The following GRB14 variants were observed in gnomAD, a reference collection of about 807,000 sequenced individuals.
GRB14 encodes growth factor receptor-bound protein 14.
Under a neutral mutation model 69.1 loss-of-function variants are expected in GRB14, and 38 were observed. The observed-to-expected ratio is 0.55, with a 90% CI of 0.42 to 0.72. The LOEUF (loss-of-function observed/expected upper bound fraction) is 0.72, where lower values mean the gene tolerates loss of function less well. GRB14 is among the 30% of genes least tolerant of loss of function. The pLI is 0.00. For missense variants in GRB14, 666 were observed against 666.1 expected (o/e 1.00, Z 0.00); for synonymous variants, 247 against 241.3 (o/e 1.02, Z -0.22).
chr2:164,571,014 T>C lies in GRB14; in HGVS notation c.325-23198A>G, dbSNP rs1289087358. On this transcript the variant is annotated intron_variant, in intron 2 of 13. Coordinates refer to ENST00000263915, the MANE Select transcript of GRB14 (RefSeq NM_004490.3). Reference sequence around the variant, plus strand: ...CAAAAAGGCAAATGTCTTTGAAAAATGAAGCTTACCGATACTTTTCATAGT... The same window carrying C: ...CAAAAAGGCAAATGTCTTTGAAAAACGAAGCTTACCGATACTTTTCATAGT... Among the ~76,000 whole-genome samples the C allele has an allele frequency of 2.0e-5, 3 of 152,154 alleles. No homozygotes were observed. In the East Asian group the frequency reaches 5.8e-4, roughly 29 times the overall value.
intron 2 of GRB14, chr2:164,568,251 C>G: frequency 3.0e-6 from 3 of 1,008,420 alleles, no homozygotes; most frequent in Non-Finnish European, 4.1e-6. Flanking sequence ...AATAAACACA[C>G]AGTAACAGGG....
intron 2 of GRB14, among the ~76,000 whole-genome samples, chr2:164,576,409 T>G (rs1322162568): frequency 6.6e-6 from 1 of 150,800 alleles, no homozygotes; most frequent in East Asian, 1.9e-4. Context: ...GAAATTGGTT[T>G]AAAAAAAAAC....
At chr2:164,568,678 C>A (rs2105328651) in intron 2 of GRB14, among the ~76,000 whole-genome samples, 1 of 152,264 alleles carries the variant, frequency 6.6e-6, no homozygotes, top group Middle Eastern at 3.4e-3. Flanking sequence ...GTTCGCTCAA[C>A]TTTTTTTCCA....
chr2:164,617,845 C>A (rs1286276573), intron 2 of GRB14, among the ~76,000 whole-genome samples: 1 of 151,760 alleles, frequency 6.6e-6, no homozygotes, highest in Admixed American at 6.6e-5. Flanking sequence ...AGAAACATAG[C>A]AGGCCCTTAG....
intron 3 of GRB14, among the ~76,000 whole-genome samples, chr2:164,533,004 TG>T (rs1348293148): frequency 6.6e-6 from 1 of 151,876 alleles, no homozygotes; most frequent in Non-Finnish European, 1.5e-5. Flanking sequence ...TGCCCCCTCT[TG>T]TAGGTCCCAA....
At chr2:164,596,115 T>A (rs1689777552) in intron 2 of GRB14, among the ~76,000 whole-genome samples, 1 of 151,906 alleles carries the variant, frequency 6.6e-6, no homozygotes, top group South Asian at 2.1e-4. Flanking sequence ...AGAGGGAGAC[T>A]CCGTCAAAAA....
intron 2 of GRB14, among the ~76,000 whole-genome samples, chr2:164,581,982 T>A (rs1689418089): frequency 1.3e-5 from 2 of 152,224 alleles, no homozygotes; most frequent in Admixed American, 1.3e-4. Context: ...TTGACTGGCC[T>A]CTCTCTGTTG....
At chr2:164,516,386 G>C (rs1483398550) in intron 6 of GRB14, among the ~76,000 whole-genome samples, 1 of 151,962 alleles carries the variant, frequency 6.6e-6, no homozygotes, top group Admixed American at 6.6e-5. Context: ...TACTTGAGAG[G>C]CTAAGGCAGG....
intron 2 of GRB14, among the ~76,000 whole-genome samples, chr2:164,586,574 T>C (rs995208752): frequency 2.0e-5 from 3 of 152,190 alleles, no homozygotes; most frequent in Non-Finnish European, 4.4e-5. Flanking sequence ...CTCGTTTCTA[T>C]GTGCTGATCT....
intron 8 of GRB14, among the ~76,000 whole-genome samples, chr2:164,503,916 C>T (rs1350246918): frequency 6.6e-6 from 1 of 152,084 alleles, no homozygotes; most frequent in African/African-American, 2.4e-5. Flanking sequence ...AGGCATTTAA[C>T]TCTGGACAAG....
At chr2:164,533,772 C>A (rs1688012754) in intron 3 of GRB14, among the ~76,000 whole-genome samples, 1 of 152,140 alleles carries the variant, frequency 6.6e-6, no homozygotes, top group Admixed American at 6.5e-5. Flanking sequence ...GTGGCTCATG[C>A]CCATAATCCC....
At chr2:164,517,024 ATTAGCCTGTTTTCATGCTGCTGAT>A (rs1442872766) in intron 6 of GRB14, among the ~76,000 whole-genome samples, 2 of 152,168 alleles carry the variant, frequency 1.3e-5, no homozygotes, top group Non-Finnish European at 2.9e-5. Context: ...CTCCATCTGT[ATTAGCCTGTTTTCATGCTGCTGAT>A]AAAGATATAC....
chr2:164,568,833 T>A (rs1350159750), intron 2 of GRB14, among the ~76,000 whole-genome samples: 1 of 152,136 alleles, frequency 6.6e-6, no homozygotes, highest in Admixed American at 6.5e-5. Context: ...ACTTATGCTA[T>A]TCATAAAATT....
intron 2 of GRB14, among the ~76,000 whole-genome samples, chr2:164,565,863 T>C (rs983652426): frequency 1.3e-5 from 2 of 152,152 alleles, no homozygotes; most frequent in Admixed American, 6.5e-5. Flanking sequence ...TGCTACAAAA[T>C]AGATCTATAC....
intron 2 of GRB14, among the ~76,000 whole-genome samples, chr2:164,578,753 G>A (rs755669515): frequency 1.3e-5 from 2 of 152,160 alleles, no homozygotes; most frequent in Non-Finnish European, 2.9e-5. Context: ...GTTACGGAAG[G>A]AAATTTGGCA....
At position 164,614,694 on chromosome 2, in the gene GRB14, A is replaced by T. The variant is rs537166324; in HGVS notation, c.324+4993T>A. On this transcript the variant is annotated intron_variant, in intron 2 of 13. Coordinates refer to ENST00000263915, the MANE Select transcript of GRB14 (RefSeq NM_004490.3). ...AAATCTTGATAATTGCTGAGTCTGG[A>T]AAAACTACAATATGTACATGGGTTT... Among the ~76,000 whole-genome samples the T allele has an allele frequency of 3.9e-5, 6 of 152,338 alleles. No homozygotes were observed. In the East Asian group the frequency reaches 7.7e-4, roughly 20 times the overall value.
intron 2 of GRB14, among the ~76,000 whole-genome samples, chr2:164,562,054 A>G (rs964642251): frequency 1.3e-5 from 2 of 152,188 alleles, no homozygotes; most frequent in Non-Finnish European, 2.9e-5. Context: ...CTTTACAAAA[A>G]TTGTTTTTAT....
At chr2:164,593,922 A>G (rs556823081) in intron 2 of GRB14, among the ~76,000 whole-genome samples, 4 of 152,348 alleles carry the variant, frequency 2.6e-5, no homozygotes, top group African/African-American at 9.6e-5. Context: ...CAACAAAGCA[A>G]TTATTAACTA....
Position 164,497,088 on chromosome 2 carries a change from G to A in GRB14, c.1302C>T (p.His434=), listed in dbSNP as rs1347453547. The A allele has an allele frequency of 6.2e-7, 1 of 1,613,394 alleles. No individual in the cohort carries two copies. The highest frequency in any genetic ancestry group is 1.3e-5 in the African/African-American group (1 of 74,890). Residue 434 remains histidine, a synonymous_variant, in exon 12 of 14, where the codon CAC becomes CAT. Coordinates refer to ENST00000263915, the MANE Select transcript of GRB14 (RefSeq NM_004490.3). ...TGTGGTGAAACCATGGCTGGGACCGGTGGATAGCTAAAGAAATAGGATGGA... is the reference window on the plus strand; with the variant it reads ...TGTGGTGAAACCATGGCTGGGACCGATGGATAGCTAAAGAAATAGGATGGA... ...SQSSATNMAI[H]RSQPWFHHKI...
Sources: gnomAD v4.1 joint callset for allele counts (sites outside exome capture counted in the v4.1 genomes callset) on GRCh38, gnomAD v4.1.1 for gene constraint, MANE v1.5 for transcripts, NCBI Gene and HGNC (gene_info 2026-07-23, HGNC 2026-07-21) for gene names.